ERBB4: variants seen among roughly 807,000 people sequenced by gnomAD.
ERBB4 encodes erb-b2 receptor tyrosine kinase 4.
A neutral mutation model predicts 158.0 loss-of-function variants in ERBB4; 42 were observed. That is an observed-to-expected ratio of 0.27 (90% CI 0.21 to 0.34). The LOEUF is 0.34. ERBB4 is among the 10% of genes least tolerant of loss of function. The probability of loss-of-function intolerance (pLI) is 1.00; values close to 1 mark genes in which losing one functional copy is unlikely to be tolerated. For missense variants in ERBB4, 1,333 were observed against 1,624.1 expected (o/e 0.82, Z 3.08); for synonymous variants, 583 against 558.7 (o/e 1.04, Z -0.61).
intron 2 of ERBB4, among the ~76,000 whole-genome samples, chr2:212,120,169 A>G (rs2079703981): frequency 6.6e-6 from 1 of 152,164 alleles, no homozygotes; most frequent in Admixed American, 6.5e-5. Flanking sequence ...TTTCTGTTTC[A>G]GTGTGTTGGC....
At chr2:211,463,197 A>C (rs2125506523) in intron 20 of ERBB4, among the ~76,000 whole-genome samples, 1 of 152,302 alleles carries the variant, frequency 6.6e-6, no homozygotes, top group South Asian at 2.1e-4. Flanking sequence ...ATCTAGTGTA[A>C]TCTCTGTAAT....
At chr2:212,253,900 C>A (rs1474377702) in intron 1 of ERBB4, among the ~76,000 whole-genome samples, 1 of 152,108 alleles carries the variant, frequency 6.6e-6, no homozygotes, top group Non-Finnish European at 1.5e-5. Context: ...ACCTATCACT[C>A]CTAGCCTGCA....
At chr2:211,769,587 G>A (rs2075640251) in intron 4 of ERBB4, among the ~76,000 whole-genome samples, 1 of 152,182 alleles carries the variant, frequency 6.6e-6, no homozygotes, top group Non-Finnish European at 1.5e-5. Flanking sequence ...GAGAATCAAG[G>A]ATCCCAGTGT....
intron 2 of ERBB4, among the ~76,000 whole-genome samples, chr2:212,070,752 G>C (rs2078090621): frequency 6.6e-6 from 1 of 151,806 alleles, no homozygotes; most frequent in Admixed American, 6.6e-5. Context: ...AAAAAGGAAA[G>C]TAGATCTTCA....
intron 20 of ERBB4, among the ~76,000 whole-genome samples, chr2:211,471,709 A>C (rs2064831397): frequency 6.6e-6 from 1 of 152,110 alleles, no homozygotes; most frequent in Admixed American, 6.6e-5. Context: ...AGGTGGTTGA[A>C]CCCAGTCTCC....
intron 3 of ERBB4, among the ~76,000 whole-genome samples, chr2:211,873,757 T>C (rs1250487705): frequency 2.6e-5 from 4 of 151,364 alleles, no homozygotes; most frequent in South Asian, 2.1e-4. Flanking sequence ...TGGACAATTA[T>C]GCAAAATTCC....
chr2:211,569,299 C>T (rs1276460311), intron 19 of ERBB4, among the ~76,000 whole-genome samples: 1 of 152,200 alleles, frequency 6.6e-6, no homozygotes, highest in African/African-American at 2.4e-5. Context: ...CCGGATTACA[C>T]TGAAATTCCA....
At chr2:212,461,697 G>A (rs1420241573) in intron 1 of ERBB4, among the ~76,000 whole-genome samples, 1 of 152,058 alleles carries the variant, frequency 6.6e-6, no homozygotes, top group African/African-American at 2.4e-5. Flanking sequence ...TGTGAGATTG[G>A]GGAGGGGTCA....
chr2:211,804,611 A>T (rs2076572354), intron 3 of ERBB4, among the ~76,000 whole-genome samples: 1 of 152,184 alleles, frequency 6.6e-6, no homozygotes, highest in Non-Finnish European at 1.5e-5. Context: ...GTGCAGGGAA[A>T]ATTATAGCTG....
intron 3 of ERBB4, among the ~76,000 whole-genome samples, chr2:211,797,173 A>T (rs1351338399): frequency 6.6e-6 from 1 of 151,918 alleles, no homozygotes; most frequent in Non-Finnish European, 1.5e-5. Context: ...TACAGACAAC[A>T]ATCCTCTTAA....
chr2:211,502,983 C>T (rs1187598167), intron 20 of ERBB4, among the ~76,000 whole-genome samples: 2 of 151,964 alleles, frequency 1.3e-5, no homozygotes, highest in East Asian at 1.9e-4. Context: ...TGGAGGACAC[C>T]GTGGTTGAAG....
In ERBB4 at chr2:211,631,076, G is replaced by A. The variant is rs149234527; in HGVS notation, c.1947-482C>T. On this transcript the variant is annotated intron_variant, in intron 16 of 27. Transcript: ENST00000342788. Reference sequence around the variant, plus strand: ...TGAGGCTGAATACCAGTTTGTTGTCGCGAAGTGTCCTGTGCATTTTAGGAT... The same window carrying A: ...TGAGGCTGAATACCAGTTTGTTGTCACGAAGTGTCCTGTGCATTTTAGGAT... Among the ~76,000 whole-genome samples, 639 of 152,154 alleles carry A rather than the reference G, an allele frequency of 4.2e-3. 7 individuals carry two copies. The highest frequency in any genetic ancestry group is 0.014 in the African/African-American group (596 of 41,522).
At chr2:212,459,663 G>A (rs1034683381) in intron 1 of ERBB4, among the ~76,000 whole-genome samples, 2 of 152,046 alleles carry the variant, frequency 1.3e-5, no homozygotes, top group Admixed American at 1.3e-4. Context: ...GAACAGTGCT[G>A]GAAGCATTAT....
chr2:211,959,228 C>T (rs539641690), intron 2 of ERBB4, among the ~76,000 whole-genome samples: 1 of 152,118 alleles, frequency 6.6e-6, no homozygotes, highest in South Asian at 2.1e-4. Context: ...GCTGGAGACA[C>T]AGTGGTGAGC....
chr2:211,452,468 C>A (rs1251434449), intron 20 of ERBB4, among the ~76,000 whole-genome samples: 1 of 152,066 alleles, frequency 6.6e-6, no homozygotes, highest in East Asian at 1.9e-4. Context: ...GAGCCACCGC[C>A]CCCAGCCAAT....
intron 1 of ERBB4, among the ~76,000 whole-genome samples, chr2:212,515,622 TAAAG>T (rs1489940562): frequency 3.3e-5 from 5 of 151,792 alleles, no homozygotes; most frequent in Admixed American, 6.5e-5. Flanking sequence ...AGATAAAAAA[TAAAG>T]AAAAGGTTCA....
chr2:211,483,345 C>T (rs1398068023), intron 20 of ERBB4, among the ~76,000 whole-genome samples: 1 of 151,912 alleles, frequency 6.6e-6, no homozygotes, highest in African/African-American at 2.4e-5. Flanking sequence ...ATCCACAGAT[C>T]CAAGTAACAT....
intron 3 of ERBB4, among the ~76,000 whole-genome samples, chr2:211,843,105 G>A (rs2077510817): frequency 6.6e-6 from 1 of 152,116 alleles, no homozygotes; most frequent in Non-Finnish European, 1.5e-5. Flanking sequence ...ATGTTAGTTT[G>A]AGACATGAAA....
chr2:211,521,736 C>G (rs7597024), intron 20 of ERBB4, among the ~76,000 whole-genome samples: 1 of 151,940 alleles, frequency 6.6e-6, no homozygotes, highest in African/African-American at 2.4e-5. Context: ...ATCTGGTGAC[C>G]GGAAATTGAA....
Sources: gnomAD v4.1 joint callset for allele counts (sites outside exome capture counted in the v4.1 genomes callset) on GRCh38, gnomAD v4.1.1 for gene constraint, MANE v1.5 for transcripts, NCBI Gene and HGNC (gene_info 2026-07-23, HGNC 2026-07-21) for gene names.